The following CNTNAP2 variants were observed in gnomAD, a reference collection of about 807,000 sequenced individuals.
CNTNAP2 encodes contactin associated protein 2.
In CNTNAP2, 98 loss-of-function variants were observed where a neutral mutation model predicts 155.2. That is an observed-to-expected ratio of 0.63 (90% CI 0.54 to 0.75). The LOEUF is 0.75. Among genes scored for constraint, CNTNAP2 ranks in the 30% least tolerant of loss-of-function variants. The probability of loss-of-function intolerance (pLI) is 0.00; values close to 1 mark genes in which losing one functional copy is unlikely to be tolerated. For synonymous variants in CNTNAP2, 651 were observed against 631.2 expected, an observed-to-expected ratio of 1.03 and a Z score of -0.47; for missense variants, 1,727 against 1,688.1, an observed-to-expected ratio of 1.02 and a Z score of -0.40.
rs57484419 is a variant in CNTNAP2, at chr7:146,426,185, CAAAAAAA to C, written c.97+309231_97+309237del. Among the ~76,000 whole-genome samples, 203 of 54,636 alleles carry C rather than the reference CAAAAAAA, an allele frequency of 3.7e-3. 5 individuals are homozygous for C. Among genetic ancestry groups the C allele is most frequent in the East Asian group, 0.016 (27 of 1,664 alleles). The allele number at this position is 54,636 out of a possible 152,430, so 35.8% of individuals were successfully genotyped here. On this transcript the variant is annotated intron_variant, in intron 1 of 23. Transcript: ENST00000361727. ...TGGGCTACAGAGTGAGACTTCGCCTCAAAAAAAAAAAAAAAAAAAAAAAAATTAAAAC... is the reference window on the plus strand; with the variant it reads ...TGGGCTACAGAGTGAGACTTCGCCTCAAAAAAAAAAAAAAAAAATTAAAAC...
chr7:147,847,542 A>T (rs1798832539), intron 13 of CNTNAP2, among the ~76,000 whole-genome samples: 1 of 15,246 alleles, frequency 6.6e-5, no homozygotes, highest in Non-Finnish European at 1.1e-4. Context: ...TTTGGTTTGA[A>T]TGTCCTCCCG....
chr7:148,199,178 T>G (rs962353648), intron 18 of CNTNAP2, among the ~76,000 whole-genome samples: 1 of 152,180 alleles, frequency 6.6e-6, no homozygotes, highest in African/African-American at 2.4e-5. Context: ...ATTGCATCCT[T>G]AAAATAAACC....
At chr7:146,377,133 A>G (rs927563764) in intron 1 of CNTNAP2, among the ~76,000 whole-genome samples, 3 of 152,166 alleles carry the variant, frequency 2.0e-5, no homozygotes, top group Non-Finnish European at 4.4e-5. Context: ...TAGGCTCTCC[A>G]CTGAGTCTAA....
chr7:146,714,130 A>G (rs1281726397), intron 1 of CNTNAP2, among the ~76,000 whole-genome samples: 2 of 152,082 alleles, frequency 1.3e-5, no homozygotes, highest in African/African-American at 4.8e-5. Context: ...GAAACTCCAC[A>G]TGAAAGCCTT....
intron 1 of CNTNAP2, among the ~76,000 whole-genome samples, chr7:146,232,760 C>T (rs943574342): frequency 6.6e-5 from 10 of 151,938 alleles, no homozygotes; most frequent in Admixed American, 1.3e-4. Context: ...ACCTTAGGCA[C>T]ATAATAAGTG....
chr7:147,207,985 G>A (rs1563116416), intron 8 of CNTNAP2, among the ~76,000 whole-genome samples: 2 of 152,126 alleles, frequency 1.3e-5, no homozygotes, highest in Non-Finnish European at 2.9e-5. Flanking sequence ...AAATTATCAA[G>A]ATGTAATTAT....
intron 1 of CNTNAP2, among the ~76,000 whole-genome samples, chr7:146,650,485 T>C (rs1799890900): frequency 6.6e-6 from 1 of 151,328 alleles, no homozygotes; most frequent in Non-Finnish European, 1.5e-5. Flanking sequence ...TAAGTGGGAG[T>C]TGAACAATGA....
At chr7:146,836,459 A>G (rs990590206) in intron 2 of CNTNAP2, among the ~76,000 whole-genome samples, 21 of 152,176 alleles carry the variant, frequency 1.4e-4, no homozygotes, top group African/African-American at 4.6e-4. Context: ...TTTACAGAAA[A>G]TGTTTGCTGA....
rs914852947 is a variant in CNTNAP2 at position 148,417,179 on chromosome 7, C to G, written c.*1563C>G. 2.0e-5 allele frequency: 3 copies of G among 152,032 alleles called. No homozygotes were observed. Among genetic ancestry groups the G allele is most frequent in the Non-Finnish European group, 4.4e-5 (3 of 68,012 alleles). 9.4% of individuals were successfully genotyped at this position (152,032 alleles called of 1,614,324 possible). On this transcript the variant is annotated 3_prime_UTR_variant, in exon 24 of 24. Transcript: ENST00000361727. ...CCTGGGAGAGGTTAAGAGGAGGTTT[C>G]GAAGGTATAGATGCTATTGTTCTGA...
chr7:146,759,711 A>AAAAAAAAAAAG (rs1309834469), intron 1 of CNTNAP2, among the ~76,000 whole-genome samples: 4 of 60,732 alleles, frequency 6.6e-5, no homozygotes, highest in African/African-American at 2.4e-4. Flanking sequence ...AAAAAAAAAA[A>AAAAAAAAAAAG]GGTGGGTGGG....
At chr7:147,974,393 T>C (rs1801390649) in intron 14 of CNTNAP2, among the ~76,000 whole-genome samples, 2 of 152,054 alleles carry the variant, frequency 1.3e-5, no homozygotes, top group African/African-American at 4.8e-5. Flanking sequence ...GCAGATCCCC[T>C]GAGGTCAGGA....
intron 9 of CNTNAP2, among the ~76,000 whole-genome samples, chr7:147,394,807 T>TTGTGTG (rs61695156): frequency 0.053 from 7,348 of 139,226 alleles, 251 homozygotes; most frequent in Admixed American, 0.087. Context: ...ATCAACAGTA[T>TTGTGTG]TGTGTGTGTG....
intron 8 of CNTNAP2, among the ~76,000 whole-genome samples, chr7:147,258,667 T>A (rs1426923816): frequency 7.2e-5 from 11 of 152,176 alleles, no homozygotes. Flanking sequence ...GGGGTGCAAA[T>A]GAACATCGAG....
intron 8 of CNTNAP2, among the ~76,000 whole-genome samples, chr7:147,148,795 G>T (rs980905812): frequency 2.0e-5 from 3 of 152,086 alleles, no homozygotes; most frequent in Admixed American, 6.5e-5. Context: ...GACTTCGGGA[G>T]TGAAGCCGCA....
chr7:147,326,302 C>A (rs991256986), intron 9 of CNTNAP2, among the ~76,000 whole-genome samples: 4 of 152,142 alleles, frequency 2.6e-5, no homozygotes, highest in Non-Finnish European at 5.9e-5. Flanking sequence ...AATGTTTGTT[C>A]TTTTGTGCCT....
chr7:147,106,437 A>C (rs1800766710), intron 4 of CNTNAP2, among the ~76,000 whole-genome samples: 1 of 152,130 alleles, frequency 6.6e-6, no homozygotes, highest in African/African-American at 2.4e-5. Flanking sequence ...AGCCAAAATT[A>C]AACGATTGAT....
At chr7:146,823,799 A>G (rs938794303) in intron 2 of CNTNAP2, among the ~76,000 whole-genome samples, 2 of 151,826 alleles carry the variant, frequency 1.3e-5, no homozygotes, top group Admixed American at 6.6e-5. Context: ...TTTTCTTCCC[A>G]TTTTTTTATG....
chr7:147,665,645 C>T (rs1448907971), intron 13 of CNTNAP2, among the ~76,000 whole-genome samples: 3 of 151,618 alleles, frequency 2.0e-5, no homozygotes, highest in Admixed American at 6.8e-5. Flanking sequence ...CTCTGAGAGG[C>T]CCCAGTGTGT....
chr7:147,382,818 G>T (rs1452758301), intron 9 of CNTNAP2, among the ~76,000 whole-genome samples: 1 of 152,146 alleles, frequency 6.6e-6, no homozygotes, highest in Non-Finnish European at 1.5e-5. Flanking sequence ...TGTCAGAAAA[G>T]TAGAAGGAAA....
Sources: allele counts gnomAD v4.1 joint callset (sites outside exome capture counted in the v4.1 genomes callset), GRCh38; gene constraint gnomAD v4.1.1; transcripts MANE v1.5; gene names NCBI Gene and HGNC (gene_info 2026-07-23, HGNC 2026-07-21).